Variants in EPM2A observed in about 807,000 individuals in gnomAD.
EPM2A encodes the protein EPM2A glucan phosphatase, laforin, also known as laforin.
Under a neutral mutation model 26.5 loss-of-function variants are expected in EPM2A, and 21 were observed. The observed-to-expected ratio is 0.79, with a 90% CI of 0.56 to 1.14. The LOEUF (loss-of-function observed/expected upper bound fraction) is 1.14. Ranked by LOEUF, EPM2A falls within the 50% of genes most tolerant of loss-of-function variation. The pLI is 0.00. For missense variants in EPM2A, 458 were observed against 440.8 expected (o/e 1.04, Z -0.35); for synonymous variants, 217 against 177.6 (o/e 1.22, Z -1.76).
intron 2 of EPM2A, among the ~76,000 whole-genome samples, chr6:145,503,213 A>T (rs927992613): frequency 1.3e-5 from 2 of 152,170 alleles, no homozygotes; most frequent in Admixed American, 6.5e-5. Context: ...GACTTTAAAA[A>T]TTTTTTATTG....
intron 4 of EPM2A, among the ~76,000 whole-genome samples, chr6:145,420,449 T>C (rs1228971466): frequency 6.6e-6 from 1 of 152,188 alleles, no homozygotes; most frequent in Non-Finnish European, 1.5e-5. Flanking sequence ...CTTCATCCTC[T>C]TCATTGCTTT....
intron 2 of EPM2A, among the ~76,000 whole-genome samples, chr6:145,604,855 T>C (rs1422069245): frequency 4.6e-5 from 7 of 152,086 alleles, no homozygotes; most frequent in Non-Finnish European, 2.9e-5. Context: ...AATATAAAAA[T>C]AGAATAAAGC....
chr6:145,462,542 A>T (rs1001516250), intron 4 of EPM2A, among the ~76,000 whole-genome samples: 1 of 152,216 alleles, frequency 6.6e-6, no homozygotes, highest in Non-Finnish European at 1.5e-5. Context: ...TTGAGCAACT[A>T]ATTAAAAGCA....
chr6:145,499,203 T>C (rs1779857965), downstream of EPM2A, among the ~76,000 whole-genome samples: 1 of 152,252 alleles, frequency 6.6e-6, no homozygotes. Context: ...ATGGCATACA[T>C]GGCTTTTCAC....
At chr6:145,548,948 C>G (rs976545434) in intron 2 of EPM2A, among the ~76,000 whole-genome samples, 1 of 152,156 alleles carries the variant, frequency 6.6e-6, no homozygotes, top group Non-Finnish European at 1.5e-5. Flanking sequence ...TTCCCTGATA[C>G]TTCAGATCTC....
chr6:145,735,575 G>A, upstream of EPM2A: 1 of 1,098,820 alleles, frequency 9.1e-7, no homozygotes. Context: ...CTAGGCGGCC[G>A]CAGCGATTGG....
At chr6:145,446,562 G>A (rs1779131231) in intron 4 of EPM2A, among the ~76,000 whole-genome samples, 1 of 152,150 alleles carries the variant, frequency 6.6e-6, no homozygotes, top group Non-Finnish European at 1.5e-5. Context: ...TCCAGCTGAT[G>A]GCCATCAATT....
chr6:145,612,442 T>C (rs2128552339), intron 2 of EPM2A, among the ~76,000 whole-genome samples: 1 of 152,160 alleles, frequency 6.6e-6, no homozygotes, highest in South Asian at 2.1e-4. Flanking sequence ...TAACACAAAT[T>C]ATCTTTTTTA....
At chr6:145,578,119 C>A (rs1781060343) in intron 2 of EPM2A, among the ~76,000 whole-genome samples, 1 of 151,854 alleles carries the variant, frequency 6.6e-6, no homozygotes, top group African/African-American at 2.4e-5. Flanking sequence ...AAAAAACAAC[C>A]TAATGATGCA....
intron 2 of EPM2A, among the ~76,000 whole-genome samples, chr6:145,523,569 T>C (rs1562368891): frequency 6.6e-6 from 1 of 152,186 alleles, no homozygotes; most frequent in Non-Finnish European, 1.5e-5. Flanking sequence ...ACCATACCCA[T>C]ATAAATAAGA....
At chr6:145,487,769 T>C (rs1290099553) in intron 4 of EPM2A, among the ~76,000 whole-genome samples, 1 of 152,172 alleles carries the variant, frequency 6.6e-6, no homozygotes, top group African/African-American at 2.4e-5. Flanking sequence ...CTGTAGGTTG[T>C]CTGTTGACTG....
chr6:145,530,536 T>C (rs1258589425), intron 2 of EPM2A, among the ~76,000 whole-genome samples: 1 of 152,154 alleles, frequency 6.6e-6, no homozygotes, highest in East Asian at 1.9e-4. Flanking sequence ...TGCTTTCAAC[T>C]TACTACCCAC....
intron 2 of EPM2A, among the ~76,000 whole-genome samples, chr6:145,677,013 A>G (rs1342124482): frequency 6.6e-6 from 1 of 152,184 alleles, no homozygotes; most frequent in Admixed American, 6.5e-5. Flanking sequence ...TCCCTGATGA[A>G]CATCGATGCA....
At chr6:145,525,632 T>C (rs1780260822) in intron 2 of EPM2A, among the ~76,000 whole-genome samples, 1 of 152,162 alleles carries the variant, frequency 6.6e-6, no homozygotes, top group African/African-American at 2.4e-5. Context: ...TACTGATTTG[T>C]GTACATTGAT....
chr6:145,465,440 TTGA>T (rs988821517), intron 4 of EPM2A, among the ~76,000 whole-genome samples: 2 of 152,122 alleles, frequency 1.3e-5, no homozygotes, highest in Admixed American at 1.3e-4. Context: ...TCGGTGTAAT[TTGA>T]TTGTCTGAAG....
At chr6:145,417,217 C>T (rs1290701776) in intron 4 of EPM2A, among the ~76,000 whole-genome samples, 2 of 152,178 alleles carry the variant, frequency 1.3e-5, no homozygotes, top group Non-Finnish European at 2.9e-5. Flanking sequence ...TCCTACTTAG[C>T]TTTCCTAGCC....
intron 2 of EPM2A, among the ~76,000 whole-genome samples, chr6:145,668,851 A>C (rs141983320): frequency 6.6e-6 from 1 of 152,202 alleles, no homozygotes; most frequent in Non-Finnish European, 1.5e-5. Flanking sequence ...TATTTTCATC[A>C]GTGTGGATCC....
intron 4 of EPM2A, among the ~76,000 whole-genome samples, chr6:145,425,061 TTG>T (rs1280646502): frequency 6.6e-6 from 1 of 151,992 alleles, no homozygotes; most frequent in Non-Finnish European, 1.5e-5. Context: ...GCGATTGAGA[TTG>T]TGTGTGTTTT....
chr6:145,392,405 G>A (rs190683498), intron 4 of EPM2A, among the ~76,000 whole-genome samples: 23 of 152,280 alleles, frequency 1.5e-4, no homozygotes, highest in Admixed American at 3.3e-4. Flanking sequence ...GACAGAGGAA[G>A]ATGCTGTGTC....
Sources: allele counts gnomAD v4.1 joint callset (sites outside exome capture counted in the v4.1 genomes callset), GRCh38; gene constraint gnomAD v4.1.1; transcripts MANE v1.5; gene names NCBI Gene and HGNC (gene_info 2026-07-23, HGNC 2026-07-21).